MOBP: variants seen among roughly 807,000 people sequenced by gnomAD.
MOBP encodes myelin associated oligodendrocyte basic protein, also known as myelin-associated oligodendrocyte basic protein.
In MOBP, 5 loss-of-function variants were observed where a neutral mutation model predicts 15.0. The ratio of observed to expected loss-of-function variants is 0.33; its 90% CI spans 0.17 to 0.70. The LOEUF (loss-of-function observed/expected upper bound fraction) is 0.70. MOBP is among the 30% of genes least tolerant of loss of function. MOBP has a pLI of 0.67. For missense variants in MOBP, 188 were observed against 257.8 expected (o/e 0.73, Z 1.85); for synonymous variants, 88 against 99.0 (o/e 0.89, Z 0.66).
intron 2 of MOBP, among the ~76,000 whole-genome samples, chr3:39,485,611 C>T (rs1372057252): frequency 6.6e-6 from 1 of 152,190 alleles, no homozygotes; most frequent in Admixed American, 6.5e-5. Flanking sequence ...TGTAGAAGCA[C>T]CCGTGTGCAC....
rs1388028145 is a variant in MOBP at position 39,502,040 on chromosome 3, T to C, written c.-4-26T>C. 6.2e-7 allele frequency: 1 copy of C among 1,600,994 alleles called. No homozygotes were observed. Among genetic ancestry groups the C allele is most frequent in the Non-Finnish European group, 8.6e-7 (1 of 1,169,288 alleles). On this transcript the variant is annotated intron_variant, in intron 2 of 3. Transcript: ENST00000684792. This position sits in a 1 kb window ranked among gnomAD's most constrained non-coding sequence, Gnocchi z 6.3. ...CCTGATGTGCGTTTATGTCTCCTCC[T>C]GTCTCCTTGCATCGGCGATTTCCAG... is the stretch of plus-strand genomic sequence containing the variant.
chr3:39,491,344 A>G (rs1482949809), intron 2 of MOBP, among the ~76,000 whole-genome samples: 1 of 152,150 alleles, frequency 6.6e-6, no homozygotes, highest in Non-Finnish European at 1.5e-5. Flanking sequence ...CAGTTTCTTC[A>G]TCTGTAAAAT....
chr3:39,512,933 A>G (rs546133370), intron 4 of MOBP, among the ~76,000 whole-genome samples: 3 of 152,196 alleles, frequency 2.0e-5, no homozygotes, highest in South Asian at 2.1e-4. Context: ...TCCTTCTTGA[A>G]CACGATTTGT....
intron 2 of MOBP, among the ~76,000 whole-genome samples, chr3:39,501,161 C>G (rs1423860146): frequency 1.3e-5 from 2 of 152,174 alleles, no homozygotes; most frequent in African/African-American, 4.8e-5. Flanking sequence ...GGAATCCATC[C>G]TTTTTCCATG....
At chr3:39,479,082 C>T (rs1282614199) in intron 1 of MOBP, among the ~76,000 whole-genome samples, 1 of 152,126 alleles carries the variant, frequency 6.6e-6, no homozygotes, top group African/African-American at 2.4e-5. Flanking sequence ...CCCGCCTCGG[C>T]CTCCCAAAGT....
intron 2 of MOBP, 114 bp from the exon 3 acceptor site, chr3:39,501,952 C>A: frequency 2.4e-6 from 2 of 832,332 alleles, no homozygotes; most frequent in South Asian, 3.3e-5. Context: ...CTGTAGGGCC[C>A]CCCTGAATGT....
chr3:39,484,142 T>G (rs955279778), intron 2 of MOBP, among the ~76,000 whole-genome samples: 1 of 152,172 alleles, frequency 6.6e-6, no homozygotes, highest in Non-Finnish European at 1.5e-5. Context: ...ACAAATCTTT[T>G]TGGGGGATCA....
At chr3:39,524,040 T>A (rs1477258843) in intron 3 of MOBP, among the ~76,000 whole-genome samples, 4 of 152,234 alleles carry the variant, frequency 2.6e-5, no homozygotes, top group African/African-American at 9.6e-5. Flanking sequence ...ATATGTTTTC[T>A]GAGGGAATAT....
At position 39,501,606 on chromosome 3, in the gene MOBP, A is replaced by G. The variant is rs1200225118; in HGVS notation, c.-4-460A>G. 5.9e-5 allele frequency among the ~76,000 whole-genome samples: 9 copies of G among 152,320 alleles called. No homozygotes were observed. In the East Asian group the frequency reaches 1.7e-3, roughly 29 times the overall value. The stretch of plus-strand genomic sequence containing the variant: ...CTGTGAGATCAAAATGTGTTGATGT[A>G]TGTCAGCAGGTCAGCAGTTTGTTCT... On this transcript the variant is annotated intron_variant, in intron 2 of 3. Coordinates refer to ENST00000684792, the MANE Select transcript of MOBP (RefSeq NM_001393704.1).
At chr3:39,497,859 C>T (rs563755424) in intron 2 of MOBP, among the ~76,000 whole-genome samples, 58 of 152,286 alleles carry the variant, frequency 3.8e-4, no homozygotes, top group African/African-American at 1.3e-3. Flanking sequence ...GGCCACCACA[C>T]GGTCAGAAAA....
rs141766853 is a variant in MOBP at position 39,521,597 on chromosome 3, A to G, written c.*259-2646A>G. Reference sequence around the variant, plus strand: ...TAAAAATGAAAGTGTCTGCTCCTAAATTCATGGGCAAGTCTACTCATCACA... The same window carrying G: ...TAAAAATGAAAGTGTCTGCTCCTAAGTTCATGGGCAAGTCTACTCATCACA... On this transcript the variant is annotated intron_variant and NMD_transcript_variant, in intron 3 of 4. Transcript: ENST00000424090. Among the ~76,000 whole-genome samples the G allele has an allele frequency of 4.1e-3, 624 of 152,304 alleles. 3 individuals are homozygous for G. Among genetic ancestry groups the G allele is most frequent in the Admixed American group, 8.2e-3 (126 of 15,300 alleles).
intron 2 of MOBP, among the ~76,000 whole-genome samples, chr3:39,488,767 C>T (rs1484396048): frequency 6.6e-6 from 1 of 152,148 alleles, no homozygotes; most frequent in Non-Finnish European, 1.5e-5. Flanking sequence ...ACAAATCGCA[C>T]ATCCAGTTTG....
At chr3:39,521,310 T>C (rs1413146356) in intron 3 of MOBP, among the ~76,000 whole-genome samples, 1 of 152,176 alleles carries the variant, frequency 6.6e-6, no homozygotes, top group African/African-American at 2.4e-5. Context: ...TTTAGAACAA[T>C]GTTATATAGT....
At chr3:39,481,561 A>C (rs1374970972) in intron 2 of MOBP, among the ~76,000 whole-genome samples, 1 of 152,168 alleles carries the variant, frequency 6.6e-6, no homozygotes, top group Non-Finnish European at 1.5e-5. Flanking sequence ...CAAACAGCTC[A>C]ACAAACCAGC....
intron 1 of MOBP, among the ~76,000 whole-genome samples, chr3:39,469,072 ATG>A (rs748930663): frequency 0.022 from 651 of 29,626 alleles, 166 homozygotes; most frequent in African/African-American, 0.037. Context: ...ATATATACAT[ATG>A]TGTGTGTGTA....
downstream of MOBP, chr3:39,525,839 G>C (rs2043317161): frequency 6.6e-6 from 1 of 152,398 alleles, no homozygotes; most frequent in South Asian, 2.1e-4. Context: ...TTCCTCACTT[G>C]GGGAGACCAT....
downstream of MOBP, among the ~76,000 whole-genome samples, chr3:39,503,442 A>AATAAGAGAAT (rs972601548): frequency 1.3e-5 from 2 of 152,210 alleles, no homozygotes; most frequent in African/African-American, 4.8e-5. Flanking sequence ...ACCAGGACCA[A>AATAAGAGAAT]ATAAGAGAAT....
chr3:39,516,532 A>C (rs2043204844), downstream of MOBP, among the ~76,000 whole-genome samples: 1 of 152,172 alleles, frequency 6.6e-6, no homozygotes, highest in Non-Finnish European at 1.5e-5. Context: ...GTAGGAGATG[A>C]GGTGGCCTGT....
chr3:39,500,499 T>C (rs112159960), intron 2 of MOBP, among the ~76,000 whole-genome samples: 18 of 152,210 alleles, frequency 1.2e-4, no homozygotes, highest in African/African-American at 4.3e-4. Context: ...GAATGTGGTG[T>C]CACAGGAAAG....
Sources: allele counts gnomAD v4.1 joint callset (sites outside exome capture counted in the v4.1 genomes callset), GRCh38; gene constraint gnomAD v4.1.1; non-coding constraint Gnocchi (gnomAD v3.1); transcripts MANE v1.5; gene names NCBI Gene and HGNC (gene_info 2026-07-23, HGNC 2026-07-21).